FLT1: variants seen among roughly 807,000 people sequenced by gnomAD.
The protein encoded by FLT1 is vascular endothelial growth factor receptor 1.
FLT1 carries 49 observed loss-of-function variants against 156.3 expected under a neutral mutation model. That is an observed-to-expected ratio of 0.31 (90% CI 0.25 to 0.40). FLT1 has a LOEUF of 0.40. Among genes scored for constraint, FLT1 ranks in the 10% least tolerant of loss-of-function variants. FLT1 has a pLI of 1.00. For synonymous variants in FLT1, 594 were observed against 583.8 expected, an observed-to-expected ratio of 1.02 and a Z score of -0.25; for missense variants, 1,322 against 1,637.2, an observed-to-expected ratio of 0.81 and a Z score of 3.32.
chr13:28,349,992 C>T (rs1206823565), intron 15 of FLT1, among the ~76,000 whole-genome samples: 1 of 152,194 alleles, frequency 6.6e-6, no homozygotes, highest in Non-Finnish European at 1.5e-5. Context: ...TTAGGACAGT[C>T]TTATGCTGGG....
intron 14 of FLT1, chr13:28,368,484 A>T: frequency 6.6e-7 from 1 of 1,517,098 alleles, no homozygotes; most frequent in Non-Finnish European, 8.8e-7. Flanking sequence ...TTGGCTCTCC[A>T]ACTAAAGGAT....
Position 28,382,948 on chromosome 13 carries a change from TGGA to T in FLT1, c.2116+1934_2116+1936del, listed in dbSNP as rs113284474. 5.6e-3 allele frequency among the ~76,000 whole-genome samples: 846 copies of T among 152,344 alleles called. 2 individuals carry two copies. The highest frequency in any genetic ancestry group is 0.019 in the African/African-American group (790 of 41,582). On this transcript the variant is annotated intron_variant, in intron 14 of 29. Coordinates refer to ENST00000282397, the MANE Select transcript of FLT1 (RefSeq NM_002019.4). ...CCCCATTCTGTGCATCAAACTCAAA[TGGA>T]GGTTTCATTTTGTGTAGAGGACTTA...
chr13:28,312,117 A>C lies in FLT1; in HGVS notation c.3387-19T>G. ...CTGATAGCTGGTGGGGAAAACAGCA[A>C]CAGAAATAGTTGGAGAGCAGTGATC... On this transcript the variant is annotated intron_variant, in intron 25 of 29. Transcript: ENST00000282397. 1 of 1,495,738 alleles carries C rather than the reference A, an allele frequency of 6.7e-7. No homozygotes were observed. Among genetic ancestry groups the C allele is most frequent in the Non-Finnish European group, 9.3e-7 (1 of 1,072,256 alleles). 92.7% of individuals were successfully genotyped at this position (1,495,738 alleles called of 1,614,324 possible).
Position 28,467,568 on chromosome 13 carries a change from G to A in FLT1, c.114C>T (p.Gly38=), listed in dbSNP as rs1296641014. Residue 38 remains glycine (G), a synonymous_variant, in exon 2 of 30, where the codon GGC becomes GGT. Coordinates refer to ENST00000282397, the MANE Select transcript of FLT1 (RefSeq NM_002019.4). ...GGCCTGCTTGCATGATGTGCTGGGTGCCTTTTAAACTCAGTTCAGGATCTT... is the reference window on the plus strand; with the variant it reads ...GGCCTGCTTGCATGATGTGCTGGGTACCTTTTAAACTCAGTTCAGGATCTT... The part of the protein sequence containing the change: ...KLKDPELSLK[G]TQHIMQAGQT... 6.2e-7 allele frequency: 1 copy of A among 1,610,972 alleles called. No individual in the cohort carries two copies. The highest frequency in any genetic ancestry group is 1.3e-5 in the African/African-American group (1 of 74,702).
At chr13:28,434,798 G>T (rs1877933789) in intron 4 of FLT1, among the ~76,000 whole-genome samples, 1 of 152,252 alleles carries the variant, frequency 6.6e-6, no homozygotes, top group South Asian at 2.1e-4. Flanking sequence ...CAGGAGAATC[G>T]CTTGAACCCG....
At chr13:28,308,430 G>T in intron 28 of FLT1, 1 of 291,730 alleles carries the variant, frequency 3.4e-6, no homozygotes, top group Non-Finnish European at 6.7e-6. Context: ...GGGGAAAGGA[G>T]CATAAGGCTT....
chr13:28,328,291 C>G (rs756810669), intron 19 of FLT1: 3 of 152,222 alleles, frequency 2.0e-5, no homozygotes, highest in Non-Finnish European at 4.4e-5. Flanking sequence ...ACAGGCTGAC[C>G]TTGGTTTGCC....
chr13:28,387,439 A>G (rs1261425364), intron 13 of FLT1: 14 of 1,057,050 alleles, frequency 1.3e-5, no homozygotes, highest in Non-Finnish European at 1.6e-5. Flanking sequence ...TGATGGAAGT[A>G]GGTAGTGGCT....
At chr13:28,459,660 G>T (rs1326457092) in intron 3 of FLT1, among the ~76,000 whole-genome samples, 7 of 152,314 alleles carry the variant, frequency 4.6e-5, no homozygotes, top group East Asian at 1.9e-4. Context: ...ATGAGTTTGG[G>T]TTTTATTTTG....
intron 14 of FLT1, among the ~76,000 whole-genome samples, chr13:28,369,016 C>T (rs1424292795): frequency 3.3e-5 from 5 of 151,944 alleles, no homozygotes; most frequent in Non-Finnish European, 7.4e-5. Context: ...GATTGGCAGC[C>T]TTTAATTGAT....
chr13:28,452,715 T>C (rs1296273576), intron 3 of FLT1, among the ~76,000 whole-genome samples: 1 of 152,160 alleles, frequency 6.6e-6, no homozygotes, highest in Admixed American at 6.5e-5. Flanking sequence ...CTGTCACTCA[T>C]GTCTCCTATT....
chr13:28,484,295 T>G (rs1424153242), intron 1 of FLT1, among the ~76,000 whole-genome samples: 1 of 152,240 alleles, frequency 6.6e-6, no homozygotes, highest in African/African-American at 2.4e-5. Context: ...GAGCCCACGT[T>G]GGATTCCTGG....
chr13:28,417,173 C>T (rs1876702429), intron 10 of FLT1, among the ~76,000 whole-genome samples: 1 of 152,212 alleles, frequency 6.6e-6, no homozygotes, highest in African/African-American at 2.4e-5. Flanking sequence ...CTCAACCATT[C>T]AGCCTCTACT....
intron 10 of FLT1, among the ~76,000 whole-genome samples, chr13:28,426,725 A>G (rs540181725): frequency 2.2e-4 from 34 of 152,342 alleles, no homozygotes; most frequent in Middle Eastern, 6.8e-3. Context: ...AAAGCCCAAA[A>G]GTAGGAAACA....
chr13:28,382,222 A>G (rs1468055362), intron 14 of FLT1, among the ~76,000 whole-genome samples: 2 of 152,158 alleles, frequency 1.3e-5, no homozygotes, highest in Non-Finnish European at 2.9e-5. Context: ...CTAGTTGGAG[A>G]GAGAACACCC....
chr13:28,406,981 A>G (rs1875844506), intron 10 of FLT1, among the ~76,000 whole-genome samples: 1 of 152,170 alleles, frequency 6.6e-6, no homozygotes, highest in Non-Finnish European at 1.5e-5. Context: ...AAGGAACTCC[A>G]GAGTGTTAAA....
rs796915434 is a variant in FLT1 at position 28,454,283 on chromosome 13, A to G, written c.388+12620T>C. Reference sequence around the variant, plus strand: ...TTAGGCAGTCTGTATTGTCTCATGTAGTCTCCTAATAGCCCCTGAAGTAAT... The same window carrying G: ...TTAGGCAGTCTGTATTGTCTCATGTGGTCTCCTAATAGCCCCTGAAGTAAT... On this transcript the variant is annotated intron_variant, in intron 3 of 29. Coordinates refer to ENST00000282397, the MANE Select transcript of FLT1 (RefSeq NM_002019.4). Among the ~76,000 whole-genome samples, 28 of 152,298 alleles carry G rather than the reference A, an allele frequency of 1.8e-4. No individual in the cohort carries two copies. The East Asian group carries it at 4.8e-3, about 26-fold the overall frequency.
At chr13:28,332,522 T>C (rs992653906) in intron 18 of FLT1, among the ~76,000 whole-genome samples, 12 of 152,158 alleles carry the variant, frequency 7.9e-5, no homozygotes, top group Admixed American at 3.9e-4. Context: ...CTCCATAAAC[T>C]AGGCCAGGAT....
At chr13:28,419,310 A>G (rs1051967723) in intron 10 of FLT1, among the ~76,000 whole-genome samples, 2 of 152,264 alleles carry the variant, frequency 1.3e-5, no homozygotes, top group South Asian at 4.1e-4. Context: ...CTACCAAGTC[A>G]GTGAAGATAT....
Sources: allele counts gnomAD v4.1 joint callset (sites outside exome capture counted in the v4.1 genomes callset), GRCh38; gene constraint gnomAD v4.1.1; transcripts MANE v1.5; gene names NCBI Gene and HGNC (gene_info 2026-07-23, HGNC 2026-07-21).